TRPC5: variants seen among roughly 807,000 people sequenced by gnomAD.
The protein encoded by TRPC5 is transient receptor potential cation channel subfamily C member 5.
In TRPC5, 9 loss-of-function variants were observed where a neutral mutation model predicts 56.5. That is an observed-to-expected ratio of 0.16 (90% confidence interval 0.10 to 0.28). TRPC5 has a LOEUF of 0.28. Ranked by LOEUF, TRPC5 falls within the 10% of genes least tolerant of loss-of-function variation. The pLI is 1.00. For synonymous variants in TRPC5, 282 were observed against 278.5 expected, an observed-to-expected ratio of 1.01 and a Z score of -0.13; for missense variants, 469 against 748.9, an observed-to-expected ratio of 0.63 and a Z score of 4.36.
At chrX:111,857,132 G>A (rs1923262183) in intron 3 of TRPC5, among the ~76,000 whole-genome samples, 1 of 111,939 alleles carries the variant, frequency 8.9e-6, no homozygotes, top group Non-Finnish European at 1.9e-5. Context: ...TATTATGCAT[G>A]TAAGAAAATT....
At chrX:111,802,773 A>C (rs1022468076) in intron 7 of TRPC5, among the ~76,000 whole-genome samples, 2 of 112,062 alleles carry the variant, frequency 1.8e-5, no homozygotes, top group African/African-American at 6.5e-5. Flanking sequence ...CATTAGAAGA[A>C]CTATCTATAT....
At chrX:111,837,178 A>C (rs1339051247) in intron 6 of TRPC5, among the ~76,000 whole-genome samples, 1 of 112,289 alleles carries the variant, frequency 8.9e-6, no homozygotes, top group Non-Finnish European at 1.9e-5. Context: ...GAACCAGACA[A>C]TATGGCAAGT....
chrX:111,947,604 T>C (rs1926963498), intron 2 of TRPC5, among the ~76,000 whole-genome samples: 1 of 111,623 alleles, frequency 9.0e-6, no homozygotes, highest in African/African-American at 3.3e-5. Flanking sequence ...AGTGCTGGGA[T>C]TACAGGCATG....
chrX:111,870,629 G>C (rs1389150345), intron 3 of TRPC5, among the ~76,000 whole-genome samples: 1 of 111,299 alleles, frequency 9.0e-6, no homozygotes, highest in Non-Finnish European at 1.9e-5. Flanking sequence ...GTCAGGTTTT[G>C]CTGCCATATG....
chrX:111,930,957 C>G (rs1246546686), intron 2 of TRPC5: 4 of 139,406 alleles, frequency 2.9e-5, no homozygotes, highest in Non-Finnish European at 5.9e-5. Flanking sequence ...GTTCACTGGC[C>G]TGTGCTTGGA....
intron 2 of TRPC5, among the ~76,000 whole-genome samples, chrX:111,939,021 G>A (rs755725256): frequency 2.7e-5 from 3 of 111,918 alleles, no homozygotes; most frequent in South Asian, 3.8e-4. Context: ...CATTCAGTAC[G>A]ATAGTAGCTG....
chrX:112,005,281 AG>A (rs1928806348), intron 1 of TRPC5, among the ~76,000 whole-genome samples: 1 of 109,167 alleles, frequency 9.2e-6, no homozygotes, highest in Admixed American at 9.9e-5. Context: ...GGACACATAG[AG>A]GGGAATAACA....
chrX:111,900,474 T>C (rs1275021300), intron 3 of TRPC5, among the ~76,000 whole-genome samples: 1 of 111,879 alleles, frequency 8.9e-6, no homozygotes, highest in Non-Finnish European at 1.9e-5. Flanking sequence ...AAGGGAGATA[T>C]GAAAATAAAT....
chrX:112,002,319 AT>A (rs1415347581), intron 1 of TRPC5, among the ~76,000 whole-genome samples: 1 of 110,883 alleles, frequency 9.0e-6, no homozygotes. Context: ...CAGAATCAGC[AT>A]TTTTTTGGGG....
chrX:111,983,857 A>C (rs746901338), intron 1 of TRPC5, among the ~76,000 whole-genome samples: 1 of 111,819 alleles, frequency 8.9e-6, no homozygotes, highest in African/African-American at 3.2e-5. Flanking sequence ...ACTCCTCATA[A>C]GGCCATAGGT....
At position 111,776,502 on chromosome X, in the gene TRPC5, G is replaced by T. The variant is rs752011011; in HGVS notation, c.2733C>A (p.Gly911=). The T allele has an allele frequency of 9.1e-6, 11 of 1,210,691 alleles. No individual in the cohort carries two copies. The highest frequency in any genetic ancestry group is 1.0e-5 in the Non-Finnish European group (9 of 895,028). The change falls in exon 11 of 11, where the codon GGC becomes GGA. Residue 911 remains glycine, a synonymous_variant. Transcript: ENST00000262839. ...GAGGGCATTCACTGCTCTGAGCAGC[G>T]CCCTGGACTTCACCTAATTCTACCT... is the stretch of plus-strand genomic sequence containing the variant. ...LSEVELGEVQ[G]AAQSSECPLA...
intron 3 of TRPC5, among the ~76,000 whole-genome samples, chrX:111,910,751 C>T (rs1251085649): frequency 8.9e-6 from 1 of 111,972 alleles, no homozygotes; most frequent in Non-Finnish European, 1.9e-5. Flanking sequence ...AGGCTGGTCT[C>T]GAACTCTTGA....
intron 1 of TRPC5, among the ~76,000 whole-genome samples, chrX:111,985,605 G>T (rs1928191892): frequency 9.0e-6 from 1 of 111,670 alleles, no homozygotes; most frequent in Non-Finnish European, 1.9e-5. Flanking sequence ...AGGGGTTCTG[G>T]GTAGGTAAAC....
At chrX:111,789,581 A>AAAGAGC (rs1259301768) in intron 7 of TRPC5, among the ~76,000 whole-genome samples, 2 of 112,207 alleles carry the variant, frequency 1.8e-5, no homozygotes, top group Non-Finnish European at 3.8e-5. Flanking sequence ...TAATTAAACT[A>AAAGAGC]AAGAGCTTCT....
At chrX:111,838,182 T>C (rs3027660) in intron 6 of TRPC5, among the ~76,000 whole-genome samples, 2,542 of 111,529 alleles carry the variant, frequency 0.023, 54 homozygotes, top group African/African-American at 0.078. Context: ...GGAAACGTTA[T>C]GGATAAAATT....
At chrX:111,844,411 T>C (rs1922860505) in intron 6 of TRPC5, among the ~76,000 whole-genome samples, 1 of 110,940 alleles carries the variant, frequency 9.0e-6, no homozygotes, top group Non-Finnish European at 1.9e-5. Context: ...TTCCCTTAAA[T>C]TGTATGCCTG....
intron 1 of TRPC5, among the ~76,000 whole-genome samples, chrX:112,060,972 C>T (rs1409597449): frequency 3.6e-5 from 4 of 112,268 alleles, no homozygotes; most frequent in East Asian, 2.8e-4. Context: ...CCTTGGCTTT[C>T]GTCTGGACCC....
At chrX:111,807,954 CTCTG>C (rs1333446355) in intron 7 of TRPC5, among the ~76,000 whole-genome samples, 4 of 85,395 alleles carry the variant, frequency 4.7e-5, no homozygotes, top group East Asian at 6.0e-4. Context: ...CTCTCTCTCT[CTCTG>C]TGTGTGTGTG....
chrX:111,795,637 T>C (rs1484430664), intron 7 of TRPC5, among the ~76,000 whole-genome samples: 1 of 111,890 alleles, frequency 8.9e-6, no homozygotes, highest in Non-Finnish European at 1.9e-5. Context: ...TTTCTCTTGC[T>C]GCTTTCAAGG....
Sources: gnomAD v4.1 joint callset for allele counts (sites outside exome capture counted in the v4.1 genomes callset) on GRCh38, gnomAD v4.1.1 for gene constraint, MANE v1.5 for transcripts, NCBI Gene and HGNC (gene_info 2026-07-23, HGNC 2026-07-21) for gene names.